Variants in EBF3 observed in about 807,000 individuals in gnomAD.
EBF3 encodes the protein EBF transcription factor 3.
EBF3 carries 18 observed loss-of-function variants against 77.1 expected under a neutral mutation model. That is an observed-to-expected ratio of 0.23 (90% CI 0.16 to 0.35). The LOEUF (loss-of-function observed/expected upper bound fraction) is 0.35, where lower values mean the gene tolerates loss of function less well. EBF3 is among the 10% of genes least tolerant of loss of function. EBF3 has a pLI of 1.00. For synonymous variants in EBF3, 350 were observed against 343.5 expected, an observed-to-expected ratio of 1.02 and a Z score of -0.21; for missense variants, 558 against 860.0, an observed-to-expected ratio of 0.65 and a Z score of 4.39.
chr10:129,923,325 T>C (rs1856440485), intron 6 of EBF3, among the ~76,000 whole-genome samples: 1 of 152,212 alleles, frequency 6.6e-6, no homozygotes, highest in African/African-American at 2.4e-5. Context: ...TAAAACATAC[T>C]GCAGCCTCAG....
At chr10:129,930,968 C>T (rs1019943814) in intron 6 of EBF3, among the ~76,000 whole-genome samples, 1 of 146,854 alleles carries the variant, frequency 6.8e-6, no homozygotes, top group African/African-American at 2.5e-5. Context: ...AAATCCCCCT[C>T]TCATATATCT....
chr10:129,840,873 T>C lies in EBF3; in HGVS notation c.1532A>G (p.Asn511Ser), dbSNP rs752462703. The C allele has an allele frequency of 5.6e-6, 9 of 1,613,676 alleles. No individual in the cohort carries two copies. The highest frequency in any genetic ancestry group is 6.8e-6 in the Non-Finnish European group (8 of 1,179,876). ...LGVPGSPGFL[N>S]GSSANSPYGI... ...GTAGGGAGAGTTAGCGGAGGAGCCATTAAGAAATCCAGGCGAGCCAGGGAC... is the reference window on the plus strand; with the variant it reads ...GTAGGGAGAGTTAGCGGAGGAGCCACTAAGAAATCCAGGCGAGCCAGGGAC... Residue 511 changes from asparagine to serine, a missense_variant, in exon 14 of 17, where the codon AAT (asparagine) becomes AGT (serine). This residue lies in a region of EBF3 where 284 missense variants were observed against 368.3 expected (regional missense o/e 0.77). Transcript: ENST00000440978.
At position 129,848,367 on chromosome 10, in the gene EBF3, G is replaced by C. The variant is rs1357708392; in HGVS notation, c.1128+25C>G. The C allele has an allele frequency of 6.2e-7, 1 of 1,610,220 alleles. No individual in the cohort carries two copies. Among genetic ancestry groups the C allele is most frequent in the South Asian group, 1.1e-5 (1 of 91,004 alleles). On this transcript the variant is annotated intron_variant, in intron 11 of 16. Coordinates refer to ENST00000440978, the MANE Select transcript of EBF3 (RefSeq NM_001375380.1). This position sits in a 1 kb window ranked among gnomAD's most constrained non-coding sequence, Gnocchi z 4.4. ...CCCAGTGGCGGCCCCACCATGAGCG[G>C]GGTGCCACTTGCTCTTTTACTAACC...
intron 10 of EBF3, among the ~76,000 whole-genome samples, chr10:129,859,040 C>A (rs1039839192): frequency 1.3e-5 from 2 of 152,300 alleles, no homozygotes; most frequent in African/African-American, 2.4e-5. Context: ...GCCCTCTGCA[C>A]GCACTTAGGT....
Position 129,848,870 on chromosome 10 carries a change from G to A in EBF3, c.1040-390C>T, listed in dbSNP as rs1850655733. On this transcript the variant is annotated intron_variant, in intron 10 of 16. Coordinates refer to ENST00000440978, the MANE Select transcript of EBF3 (RefSeq NM_001375380.1). The surrounding 1 kb of genome is among the most constrained non-coding windows in gnomAD (Gnocchi z 4.4). ...AACTGGCAATTATGACATATGTCCA[G>A]CTATTGCTAGCCTCAGATTTATCCC... Among the ~76,000 whole-genome samples, 1 of 152,218 alleles carries A rather than the reference G, an allele frequency of 6.6e-6. No individual in the cohort carries two copies.
At chr10:129,951,250 G>A (rs776129393) in intron 6 of EBF3, among the ~76,000 whole-genome samples, 1 of 152,192 alleles carries the variant, frequency 6.6e-6, no homozygotes, top group Admixed American at 6.5e-5. Context: ...ACAGAACCTC[G>A]AGTTTGGACG....
intron 6 of EBF3, among the ~76,000 whole-genome samples, chr10:129,915,585 A>G (rs999714973): frequency 2.0e-5 from 3 of 152,018 alleles, no homozygotes; most frequent in Non-Finnish European, 4.4e-5. Context: ...AGTTTGTTGT[A>G]ACGAGCGACA....
chr10:129,873,468 A>G lies in EBF3; in HGVS notation c.765T>C (p.Pro255=). The part of the protein sequence containing the change: ...RRLDPSEGTA[P]SYLENATPCI... ...TGTGCCTACCATTTTCCAGATAAGA[A>G]GGGGCCGTACCTTCTGACGGGTCTA... The change falls in exon 8 of 17, where the codon CCT becomes CCC. Residue 255 remains proline (P), a synonymous_variant. Coordinates refer to ENST00000440978, the MANE Select transcript of EBF3 (RefSeq NM_001375380.1). 1 of 1,541,474 alleles carries G rather than the reference A, an allele frequency of 6.5e-7. No individual in the cohort carries two copies. The highest frequency in any genetic ancestry group is 8.8e-7 in the Non-Finnish European group (1 of 1,142,768).
Position 129,864,846 on chromosome 10 carries a change from C to A in EBF3, c.1039+2295G>T, listed in dbSNP as rs936258188. The stretch of plus-strand genomic sequence containing the variant: ...TTTCCTAAGGAGCTCAGGACTCGAG[C>A]AGAGTCCCACAGAACCCAGCCGAAG... On this transcript the variant is annotated intron_variant, in intron 10 of 16. Coordinates refer to ENST00000440978, the MANE Select transcript of EBF3 (RefSeq NM_001375380.1). The surrounding 1 kb of genome is among the most constrained non-coding windows in gnomAD (Gnocchi z 4.4). Among the ~76,000 whole-genome samples the A allele has an allele frequency of 6.6e-6, 1 of 152,234 alleles. No homozygotes were observed. The highest frequency in any genetic ancestry group is 1.5e-5 in the Non-Finnish European group (1 of 68,040).
intron 10 of EBF3, among the ~76,000 whole-genome samples, chr10:129,865,796 G>A (rs146570549): frequency 6.6e-6 from 1 of 152,242 alleles, no homozygotes; most frequent in African/African-American, 2.4e-5. Context: ...AGCAGAGGGG[G>A]CTTAGCATCC....
chr10:129,897,364 T>C lies in EBF3; in HGVS notation c.555-19515A>G, dbSNP rs1308344814. On this transcript the variant is annotated intron_variant, in intron 6 of 16. Transcript: ENST00000440978. The surrounding 1 kb of genome is among the most constrained non-coding windows in gnomAD (Gnocchi z 4.6). ...GGGTACACCAGTGGCCCCAGGACCT[T>C]TGTGGAACCAGAGCAGAGCCCAGCG... Among the ~76,000 whole-genome samples the C allele has an allele frequency of 6.6e-6, 1 of 152,124 alleles. No homozygotes were observed. Among genetic ancestry groups the C allele is most frequent in the Non-Finnish European group, 1.5e-5 (1 of 68,014 alleles).
rs1272948728 is a variant in EBF3 at position 129,947,215 on chromosome 10, TC to T, written c.554+10042del. Reference sequence around the variant, plus strand: ...GAGGGGCCGCCGGGGGACCACCCCATCCCGGCACACTGATCTGATTTACAAA... The same window carrying T: ...GAGGGGCCGCCGGGGGACCACCCCATCCGGCACACTGATCTGATTTACAAA... On this transcript the variant is annotated intron_variant, in intron 6 of 16. Transcript: ENST00000440978. The surrounding 1 kb of genome is among the most constrained non-coding windows in gnomAD (Gnocchi z 4.5). Among the ~76,000 whole-genome samples the T allele has an allele frequency of 6.6e-6, 1 of 152,220 alleles. No homozygotes were observed. The highest frequency in any genetic ancestry group is 1.5e-5 in the Non-Finnish European group (1 of 68,042).
chr10:129,958,281 T>C (rs1487729212), intron 5 of EBF3, among the ~76,000 whole-genome samples: 12 of 152,228 alleles, frequency 7.9e-5, no homozygotes, highest in Admixed American at 6.5e-4. Context: ...CTGCAACGCT[T>C]TCCTTGCTAT....
chr10:129,940,057 A>G (rs552784750), intron 6 of EBF3, among the ~76,000 whole-genome samples: 1 of 152,336 alleles, frequency 6.6e-6, no homozygotes, highest in South Asian at 2.1e-4. Flanking sequence ...CTGGTGTCCA[A>G]CAGGCAAACA....
intron 6 of EBF3, among the ~76,000 whole-genome samples, chr10:129,895,052 C>T (rs748658084): frequency 2.4e-4 from 37 of 152,180 alleles, no homozygotes; most frequent in African/African-American, 7.7e-4. Context: ...AGTGGGCATG[C>T]GGAACGGGGA....
At chr10:129,911,198 G>A (rs1013695459) in intron 6 of EBF3, among the ~76,000 whole-genome samples, 1 of 152,196 alleles carries the variant, frequency 6.6e-6, no homozygotes, top group Non-Finnish European at 1.5e-5. Flanking sequence ...GCCCACGGGT[G>A]GGCCAGGGCC....
intron 6 of EBF3, among the ~76,000 whole-genome samples, chr10:129,887,858 G>A (rs1853718295): frequency 6.6e-6 from 1 of 152,136 alleles, no homozygotes; most frequent in African/African-American, 2.4e-5. Flanking sequence ...TAAACCTGGC[G>A]AATGGTAAGA....
rs7917585 is a variant in EBF3, at chr10:129,877,739, C to G, written c.636+29G>C. On this transcript the variant is annotated intron_variant, in intron 7 of 16. Coordinates refer to ENST00000440978, the MANE Select transcript of EBF3 (RefSeq NM_001375380.1). Reference sequence around the variant, plus strand: ...AATTTGGTATGAAAAGTCAGGACCACGGTCCACGTGTCTTTGAGAAATGTA... The same window carrying G: ...AATTTGGTATGAAAAGTCAGGACCAGGGTCCACGTGTCTTTGAGAAATGTA... 2,636 of 1,589,420 alleles carry G rather than the reference C, an allele frequency of 1.7e-3. 43 individuals are homozygous for G. The African/African-American group carries it at 0.031, about 19-fold the overall frequency.
At chr10:129,867,755 C>T (rs111725055) in intron 9 of EBF3, 27 bp downstream of exon 9, 20 of 1,612,656 alleles carry the variant, frequency 1.2e-5, no homozygotes, top group African/African-American at 4.0e-5. Context: ...AGCAACAGCG[C>T]GAAGCTGACC....
Sources: gnomAD v4.1 joint callset for allele counts (sites outside exome capture counted in the v4.1 genomes callset) on GRCh38, gnomAD v4.1.1 for gene constraint, gnomAD v4.1.1 regional missense constraint, Gnocchi (gnomAD v3.1) non-coding constraint, MANE v1.5 for transcripts, NCBI Gene and HGNC (gene_info 2026-07-23, HGNC 2026-07-21) for gene names.